CTNNA2: variants seen among roughly 807,000 people sequenced by gnomAD.
CTNNA2 encodes catenin alpha-2.
Under a neutral mutation model 101.0 loss-of-function variants are expected in CTNNA2, and 42 were observed. The ratio of observed to expected loss-of-function variants is 0.42; its 90% CI spans 0.32 to 0.54. The LOEUF is 0.54. CTNNA2 is among the 20% of genes least tolerant of loss of function. The pLI, the probability that CTNNA2 is intolerant of heterozygous loss-of-function variation, is 0.14. For synonymous variants in CTNNA2, 450 were observed against 456.4 expected, an observed-to-expected ratio of 0.99 and a Z score of 0.18; for missense variants, 871 against 1,223.1, an observed-to-expected ratio of 0.71 and a Z score of 4.29.
intron 2 of CTNNA2, among the ~76,000 whole-genome samples, chr2:79,741,414 G>A (rs1671277154): frequency 6.6e-6 from 1 of 152,070 alleles, no homozygotes; most frequent in Non-Finnish European, 1.5e-5. Flanking sequence ...CTTATTTACT[G>A]TGTAAATATC....
intron 2 of CTNNA2, among the ~76,000 whole-genome samples, chr2:79,299,172 T>C (rs1676049655): frequency 6.6e-6 from 1 of 152,164 alleles, no homozygotes; most frequent in South Asian, 2.1e-4. Context: ...TAACCTGCTT[T>C]GTGGATTCCT....
At chr2:79,746,176 A>G (rs188509784) in intron 3 of CTNNA2, among the ~76,000 whole-genome samples, 3 of 152,212 alleles carry the variant, frequency 2.0e-5, no homozygotes, top group Non-Finnish European at 4.4e-5. Context: ...AGAACTTTTT[A>G]TATGCTTCCT....
At chr2:80,053,581 T>A (rs1697020145) in intron 7 of CTNNA2, among the ~76,000 whole-genome samples, 1 of 152,206 alleles carries the variant, frequency 6.6e-6, no homozygotes, top group Admixed American at 6.5e-5. Flanking sequence ...TCTTTCAAAC[T>A]GTCAACAGTG....
chr2:80,596,436 A>T (rs1696986236), intron 15 of CTNNA2, among the ~76,000 whole-genome samples: 1 of 149,942 alleles, frequency 6.7e-6, no homozygotes, highest in Non-Finnish European at 1.5e-5. Context: ...CAGCCTCCCG[A>T]GTAGCTGGGA....
chr2:79,438,658 C>A (rs1011519393), intron 4 of CTNNA2, among the ~76,000 whole-genome samples: 3 of 152,128 alleles, frequency 2.0e-5, no homozygotes, highest in African/African-American at 7.2e-5. Context: ...AAAGTCACTC[C>A]CAGTTGACAG....
intron 7 of CTNNA2, among the ~76,000 whole-genome samples, chr2:80,365,894 C>G (rs1315938361): frequency 6.6e-6 from 1 of 152,116 alleles, no homozygotes; most frequent in East Asian, 1.9e-4. Context: ...CATTTTTCCC[C>G]CTGTGGTCGG....
intron 7 of CTNNA2, among the ~76,000 whole-genome samples, chr2:80,011,429 C>T (rs1438291379): frequency 6.6e-6 from 1 of 152,110 alleles, no homozygotes; most frequent in East Asian, 1.9e-4. Flanking sequence ...CTTGGCACAT[C>T]CTGGCTTTAT....
intron 18 of CTNNA2, among the ~76,000 whole-genome samples, chr2:80,636,990 C>T (rs1049002819): frequency 6.6e-6 from 1 of 152,130 alleles, no homozygotes; most frequent in African/African-American, 2.4e-5. Context: ...CTTCTCCATT[C>T]CTTATCCCTA....
chr2:80,364,167 G>C (rs751299936), intron 7 of CTNNA2, among the ~76,000 whole-genome samples: 1 of 151,988 alleles, frequency 6.6e-6, no homozygotes, highest in Non-Finnish European at 1.5e-5. Flanking sequence ...TTTAAGTTTT[G>C]CCTCAGGAGA....
intron 2 of CTNNA2, among the ~76,000 whole-genome samples, chr2:79,260,171 G>A (rs961611890): frequency 6.6e-6 from 1 of 152,032 alleles, no homozygotes; most frequent in Non-Finnish European, 1.5e-5. Flanking sequence ...TTCTAAGTGG[G>A]ACTGTTGTTG....
At chr2:79,400,075 G>T (rs926409305) in intron 4 of CTNNA2, among the ~76,000 whole-genome samples, 7 of 152,022 alleles carry the variant, frequency 4.6e-5, no homozygotes, top group Non-Finnish European at 7.4e-5. Flanking sequence ...GATGTACATT[G>T]GTTTGGTCCA....
intron 2 of CTNNA2, among the ~76,000 whole-genome samples, chr2:79,249,833 C>T (rs1161688993): frequency 6.6e-6 from 1 of 152,118 alleles, no homozygotes; most frequent in African/African-American, 2.4e-5. Context: ...TCACATTCAC[C>T]TTCTCCTAAT....
At chr2:80,180,048 C>G (rs1209493919) in intron 7 of CTNNA2, among the ~76,000 whole-genome samples, 1 of 152,196 alleles carries the variant, frequency 6.6e-6, no homozygotes, top group East Asian at 1.9e-4. Context: ...CCCTTGGAAT[C>G]AACATCAGCT....
intron 2 of CTNNA2, among the ~76,000 whole-genome samples, chr2:79,252,090 C>G (rs1200042284): frequency 6.6e-6 from 1 of 152,158 alleles, no homozygotes; most frequent in African/African-American, 2.4e-5. Context: ...GAGATCAGAT[C>G]TTTACATTCT....
At position 79,695,981 on chromosome 2, in the gene CTNNA2, C is replaced by G. The variant is rs80051683; in HGVS notation, c.102+44323C>G. ...ACTTTTATTTTTTCCCATATCATTGCCAGGATGGTGTGGCTACCTGCCCCA... is the reference window on the plus strand; with the variant it reads ...ACTTTTATTTTTTCCCATATCATTGGCAGGATGGTGTGGCTACCTGCCCCA... On this transcript the variant is annotated intron_variant, in intron 2 of 18. Transcript: ENST00000402739. Among the ~76,000 whole-genome samples, 1,137 of 152,048 alleles carry G rather than the reference C, an allele frequency of 7.5e-3. 44 individuals are homozygous for G. In the East Asian group the frequency reaches 0.099, roughly 13 times the overall value.
chr2:80,484,030 C>G (rs1298345941), intron 9 of CTNNA2, among the ~76,000 whole-genome samples: 1 of 151,966 alleles, frequency 6.6e-6, no homozygotes, highest in Non-Finnish European at 1.5e-5. Flanking sequence ...TTTGGGCTGT[C>G]AGTTATGCTG....
intron 1 of CTNNA2, among the ~76,000 whole-genome samples, chr2:79,644,615 A>G (rs1254222484): frequency 1.3e-5 from 2 of 152,178 alleles, no homozygotes; most frequent in Non-Finnish European, 1.5e-5. Context: ...TACAGCCAGC[A>G]TCCTACTCTC....
At chr2:80,538,604 A>G (rs974193180) in intron 9 of CTNNA2, among the ~76,000 whole-genome samples, 1 of 152,176 alleles carries the variant, frequency 6.6e-6, no homozygotes, top group Non-Finnish European at 1.5e-5. Flanking sequence ...TGGTACCAGC[A>G]CCATGCTGTT....
intron 2 of CTNNA2, among the ~76,000 whole-genome samples, chr2:79,310,714 T>C (rs762905514): frequency 1.6e-4 from 25 of 152,204 alleles, no homozygotes; most frequent in Non-Finnish European, 2.6e-4. Flanking sequence ...AAAGCCAGCA[T>C]AGCCTGGAGA....
Sources: allele counts gnomAD v4.1 joint callset (sites outside exome capture counted in the v4.1 genomes callset), GRCh38; gene constraint gnomAD v4.1.1; transcripts MANE v1.5; gene names NCBI Gene and HGNC (gene_info 2026-07-23, HGNC 2026-07-21).